The following ARHGAP32 variants were observed in gnomAD, a reference collection of about 807,000 sequenced individuals.
ARHGAP32 encodes the protein Rho GTPase activating protein 32.
In ARHGAP32, 51 loss-of-function variants were observed where a neutral mutation model predicts 186.5. The ratio of observed to expected loss-of-function variants is 0.27; its 90% CI spans 0.22 to 0.35. The LOEUF (loss-of-function observed/expected upper bound fraction) is 0.35. ARHGAP32 is among the 10% of genes least tolerant of loss of function. The probability of loss-of-function intolerance (pLI) is 1.00; values close to 1 mark genes in which losing one functional copy is unlikely to be tolerated. For synonymous variants in ARHGAP32, 950 were observed against 964.3 expected, an observed-to-expected ratio of 0.99 and a Z score of 0.27; for missense variants, 2,186 against 2,623.5, an observed-to-expected ratio of 0.83 and a Z score of 3.64.
chr11:129,027,366 A>C (rs1001907698), intron 11 of ARHGAP32, among the ~76,000 whole-genome samples: 14 of 152,140 alleles, frequency 9.2e-5, no homozygotes, highest in Admixed American at 7.9e-4. Flanking sequence ...AAAACTGCTC[A>C]AAGTCTTCCA....
chr11:129,154,908 AAAG>A (rs1943366956), intron 2 of ARHGAP32, among the ~76,000 whole-genome samples: 2 of 152,318 alleles, frequency 1.3e-5, no homozygotes, highest in Admixed American at 1.3e-4. Context: ...ATTGTATGAT[AAAG>A]AAGGAGTTGA....
chr11:128,981,452 T>C lies in ARHGAP32; in HGVS notation c.1744A>G (p.Ser582Gly). The change falls in exon 17 of 23, where the codon AGC becomes GGC. Residue 582 changes from serine (S) to glycine (G), a missense_variant. Ser to Gly is a moderately conservative substitution (Grantham distance 56). Around this residue, in one of 5 missense-constraint regions of ARHGAP32, gnomAD observed 263 missense variants for 323.5 expected, o/e 0.81. Transcript: ENST00000682385. ...TGCATGGCCATGCTGATTCTGCCGC[T>C]GAACAGCACATCAACGTGATTCAGG... ...FILNHVDVLF[S>G]GRISMAMQEG... 1 of 1,612,732 alleles carries C rather than the reference T, an allele frequency of 6.2e-7. No individual in the cohort carries two copies.
At position 129,161,239 on chromosome 11, in the gene ARHGAP32, C is replaced by A. The variant is rs1487993927; in HGVS notation, c.225+3080G>T. On this transcript the variant is annotated intron_variant, in intron 2 of 22. Coordinates refer to ENST00000682385, the MANE Select transcript of ARHGAP32 (RefSeq NM_001378024.1). ...TAGGCAATACCATTCAGGACATAGG[C>A]ATGGGCAAAGACTTCATGACTAAAA... 2.6e-5 allele frequency among the ~76,000 whole-genome samples: 4 copies of A among 152,076 alleles called. No homozygotes were observed. The East Asian group carries it at 7.7e-4, about 29-fold the overall frequency.
At chr11:129,247,399 C>T (rs1316347519) in intron 1 of ARHGAP32, among the ~76,000 whole-genome samples, 1 of 152,124 alleles carries the variant, frequency 6.6e-6, no homozygotes, top group Admixed American at 6.5e-5. Flanking sequence ...TTCAAAGTAA[C>T]CAGTAACTAC....
intron 1 of ARHGAP32, among the ~76,000 whole-genome samples, chr11:129,269,583 C>T (rs568713428): frequency 6.6e-6 from 1 of 152,098 alleles, no homozygotes; most frequent in African/African-American, 2.4e-5. Flanking sequence ...AAAAATTAGC[C>T]CGGCACAGTG....
intron 11 of ARHGAP32, among the ~76,000 whole-genome samples, chr11:129,011,568 G>T (rs546562562): frequency 6.6e-6 from 1 of 152,112 alleles, no homozygotes; most frequent in Non-Finnish European, 1.5e-5. Flanking sequence ...GGCTCAAGGG[G>T]TATGTAAAGG....
intron 2 of ARHGAP32, among the ~76,000 whole-genome samples, chr11:129,146,358 T>C (rs1591649976): frequency 6.6e-6 from 1 of 152,148 alleles, no homozygotes; most frequent in Non-Finnish European, 1.5e-5. Context: ...TTTCGAATAG[T>C]GCAATGAAAT....
intron 1 of ARHGAP32, among the ~76,000 whole-genome samples, chr11:129,212,247 T>A (rs1591699660): frequency 6.6e-6 from 1 of 152,128 alleles, no homozygotes; most frequent in South Asian, 2.1e-4. Flanking sequence ...ATATGGAAGG[T>A]CTGTTCATTA....
intron 22 of ARHGAP32, chr11:128,971,386 T>C: frequency 2.1e-6 from 1 of 482,614 alleles, no homozygotes; most frequent in South Asian, 4.3e-5. Context: ...GTTTTCTAAT[T>C]TATGAGAGGT....
intron 1 of ARHGAP32, among the ~76,000 whole-genome samples, chr11:129,254,292 T>C (rs111410081): frequency 0.01 from 1,587 of 152,202 alleles, 14 homozygotes; most frequent in Middle Eastern, 0.02. Context: ...TTTCCTAAGA[T>C]AGTCCCAATT....
intron 5 of ARHGAP32, among the ~76,000 whole-genome samples, chr11:129,096,321 C>G (rs1234408220): frequency 3.3e-5 from 5 of 152,170 alleles, no homozygotes; most frequent in Non-Finnish European, 7.4e-5. Flanking sequence ...AGAGAAGATT[C>G]TGGAAAAACG....
chr11:129,021,062 T>A (rs1390299044), intron 11 of ARHGAP32, among the ~76,000 whole-genome samples: 3 of 151,996 alleles, frequency 2.0e-5, no homozygotes, highest in African/African-American at 7.2e-5. Context: ...CAAGGCCACA[T>A]TTAAAATAGC....
At chr11:128,977,941 TC>T (rs1254922398) in intron 19 of ARHGAP32, among the ~76,000 whole-genome samples, 6 of 151,460 alleles carry the variant, frequency 4.0e-5, no homozygotes, top group African/African-American at 1.2e-4. Context: ...GGTCTTGAAC[TC>T]CTGGCTTCAA....
At chr11:129,171,173 A>C (rs1943751812) in intron 1 of ARHGAP32, among the ~76,000 whole-genome samples, 1 of 152,142 alleles carries the variant, frequency 6.6e-6, no homozygotes, top group Non-Finnish European at 1.5e-5. Context: ...TATTTTGTTT[A>C]ATTAGATCCC....
intron 1 of ARHGAP32, among the ~76,000 whole-genome samples, chr11:129,170,408 A>G (rs1943734716): frequency 6.6e-6 from 1 of 151,832 alleles, no homozygotes; most frequent in Non-Finnish European, 1.5e-5. Context: ...TCAACTCCCA[A>G]TTATGGATGA....
At chr11:129,005,361 T>C (rs146107769) in intron 11 of ARHGAP32, among the ~76,000 whole-genome samples, 1 of 152,188 alleles carries the variant, frequency 6.6e-6, no homozygotes, top group Non-Finnish European at 1.5e-5. Context: ...TGTATCTTCA[T>C]ATAATTTCTT....
At chr11:129,216,737 C>T (rs543187971) in intron 1 of ARHGAP32, among the ~76,000 whole-genome samples, 2 of 147,940 alleles carry the variant, frequency 1.4e-5, no homozygotes, top group South Asian at 2.1e-4. Flanking sequence ...GGTTCTAATA[C>T]ATTTTATCAT....
chr11:129,114,470 C>A (rs1942309990), intron 5 of ARHGAP32, among the ~76,000 whole-genome samples: 1 of 152,130 alleles, frequency 6.6e-6, no homozygotes, highest in Non-Finnish European at 1.5e-5. Context: ...TCTGCTTCAT[C>A]AGTGGTACTC....
intron 1 of ARHGAP32, among the ~76,000 whole-genome samples, chr11:129,262,994 G>A (rs1945344554): frequency 6.6e-6 from 1 of 152,096 alleles, no homozygotes; most frequent in South Asian, 2.1e-4. Flanking sequence ...CCATTTAACT[G>A]GGAAAGGACA....
Sources: allele counts gnomAD v4.1 joint callset (sites outside exome capture counted in the v4.1 genomes callset), GRCh38; gene constraint gnomAD v4.1.1; regional missense constraint gnomAD v4.1.1; transcripts MANE v1.5; gene names NCBI Gene and HGNC (gene_info 2026-07-23, HGNC 2026-07-21).